The following SH3BP5 variants were observed in gnomAD, a reference collection of about 807,000 sequenced individuals.
SH3BP5 encodes SH3 domain-binding protein 5.
In SH3BP5, 22 loss-of-function variants were observed where a neutral mutation model predicts 43.3. The ratio of observed to expected loss-of-function variants is 0.51; its 90% CI spans 0.36 to 0.73. The LOEUF (loss-of-function observed/expected upper bound fraction) is 0.73. Ranked by LOEUF, SH3BP5 falls within the 30% of genes least tolerant of loss-of-function variation. The probability of loss-of-function intolerance (pLI) is 0.00; values close to 1 mark genes in which losing one functional copy is unlikely to be tolerated. For missense variants in SH3BP5, 529 were observed against 586.9 expected, an observed-to-expected ratio of 0.90 and a Z score of 1.02; for synonymous variants, 255 against 225.8, an observed-to-expected ratio of 1.13 and a Z score of -1.16.
chr3:15,303,709 AAAG>A (rs929608564), intron 3 of SH3BP5, among the ~76,000 whole-genome samples: 5 of 152,300 alleles, frequency 3.3e-5, no homozygotes, highest in East Asian at 1.9e-4. Flanking sequence ...AAAAAAAGAA[AAAG>A]AAGAAGAACC....
At chr3:15,268,171 A>G (rs1298289980) in intron 4 of SH3BP5, among the ~76,000 whole-genome samples, 1 of 152,238 alleles carries the variant, frequency 6.6e-6, no homozygotes, top group East Asian at 1.9e-4. Flanking sequence ...CGAGAGTCTC[A>G]GGCTGCAGGG....
At chr3:15,338,860 C>T (rs1161465010) in intron 1 of SH3BP5, among the ~76,000 whole-genome samples, 6 of 152,124 alleles carry the variant, frequency 3.9e-5, no homozygotes, top group African/African-American at 1.4e-4. Flanking sequence ...CTCAAATTAA[C>T]CTCAGAACCC....
rs112791422 is a variant in SH3BP5, at chr3:15,299,662, T to A, written c.330+4441A>T. Among the ~76,000 whole-genome samples, 203 of 152,030 alleles carry A rather than the reference T, an allele frequency of 1.3e-3. 1 individual carries two copies. The highest frequency in any genetic ancestry group is 4.6e-3 in the African/African-American group (191 of 41,442). ...CACATATCACTACATCCAGCTAATT[T>A]TAAATTTTTTTTATTTCATATAGAG... On this transcript the variant is annotated intron_variant, in intron 3 of 8. Transcript: ENST00000383791.
chr3:15,333,081 G>A, upstream of SH3BP5: 1 of 985,362 alleles, frequency 1.0e-6, no homozygotes, highest in South Asian at 4.7e-5. Flanking sequence ...AGGTGCGGCG[G>A]TCCTACCTGA....
intron 2 of SH3BP5, among the ~76,000 whole-genome samples, chr3:15,307,589 G>A (rs1285814124): frequency 6.6e-6 from 1 of 152,232 alleles, no homozygotes; most frequent in Non-Finnish European, 1.5e-5. Flanking sequence ...TGGGCACACA[G>A]TCAGTGCTCA....
rs1553620949 is a variant in SH3BP5 at position 15,330,552 on chromosome 3, C to T, written c.153G>A (p.Lys51=). Residue 51 remains lysine, a synonymous_variant, in exon 2 of 9, where the codon AAG becomes AAA. Coordinates refer to ENST00000383791, the MANE Select transcript of SH3BP5 (RefSeq NM_004844.5). ...VDPRIQGELE[K]LNQSTDDINR... ...TGATATCATCCGTGGACTGATTTAACTTCTCCAGTTCTCCCTGGTGAAGAA... is the reference window on the plus strand; with the variant it reads ...TGATATCATCCGTGGACTGATTTAATTTCTCCAGTTCTCCCTGGTGAAGAA... The T allele has an allele frequency of 1.9e-6, 3 of 1,607,386 alleles. No individual in the cohort carries two copies. In the South Asian group the frequency reaches 3.4e-5, roughly 18 times the overall value.
intron 2 of SH3BP5, among the ~76,000 whole-genome samples, chr3:15,313,679 T>C (rs936288420): frequency 1.1e-4 from 17 of 152,238 alleles, no homozygotes; most frequent in Non-Finnish European, 1.9e-4. Flanking sequence ...TGCTCTCCAG[T>C]GCTGGCTGAC....
intron 2 of SH3BP5, among the ~76,000 whole-genome samples, chr3:15,311,161 A>C (rs968243251): frequency 2.0e-5 from 3 of 152,252 alleles, no homozygotes; most frequent in African/African-American, 7.2e-5. Context: ...AATGCCATTT[A>C]CAAGTATACC....
At chr3:15,281,287 G>A (rs1012120750) in intron 3 of SH3BP5, among the ~76,000 whole-genome samples, 14 of 152,110 alleles carry the variant, frequency 9.2e-5, no homozygotes, top group African/African-American at 2.2e-4. Context: ...TTTTGATGCC[G>A]TGCACAAAAC....
At chr3:15,339,731 T>C (rs1210878579) in intron 1 of SH3BP5, 1 of 150,644 alleles carries the variant, frequency 6.6e-6, no homozygotes, top group African/African-American at 2.4e-5. Flanking sequence ...AATAAATAAA[T>C]AATAAAAAGA....
intron 3 of SH3BP5, among the ~76,000 whole-genome samples, chr3:15,285,776 A>C (rs1016907079): frequency 6.6e-6 from 1 of 152,092 alleles, no homozygotes; most frequent in African/African-American, 2.4e-5. Context: ...CACCTCCTCC[A>C]CGTTTCAGAC....
chr3:15,270,223 G>A (rs1033315264), intron 3 of SH3BP5, among the ~76,000 whole-genome samples: 1 of 152,204 alleles, frequency 6.6e-6, no homozygotes, highest in Admixed American at 6.5e-5. Context: ...CTCGAGGCCT[G>A]TCACCTTCCC....
In SH3BP5 at chr3:15,330,527, T is replaced by C. The variant is rs1307232918; in HGVS notation, c.178A>G (p.Asn60Asp). The C allele has an allele frequency of 6.2e-7, 1 of 1,613,596 alleles. No individual in the cohort carries two copies. The change falls in exon 2 of 9, where the codon AAC (asparagine) becomes GAC (aspartate). Residue 60 changes from asparagine to aspartate, a missense_variant. Physicochemically the swap from Asn to Asp is conservative, Grantham distance 23. This residue lies in a region of SH3BP5 where 85 missense variants were observed against 140.8 expected (regional missense o/e 0.60). Coordinates refer to ENST00000383791, the MANE Select transcript of SH3BP5 (RefSeq NM_004844.5). ...EKLNQSTDDI[N>D]RRETELEDAR... ...ACCTCAAGTTCAGTCTCCCGTCTGT[T>C]GATATCATCCGTGGACTGATTTAAC...
intron 3 of SH3BP5, among the ~76,000 whole-genome samples, chr3:15,285,302 G>C (rs1483480674): frequency 6.6e-6 from 1 of 152,126 alleles, no homozygotes; most frequent in Non-Finnish European, 1.5e-5. Flanking sequence ...GCCACTTAGG[G>C]TGATGTAAAA....
chr3:15,259,143 ATTCT>A, intron 6 of SH3BP5, 93 bp from the exon 7 acceptor site: 1 of 1,002,252 alleles, frequency 1.0e-6, no homozygotes, highest in Admixed American at 2.1e-5. Flanking sequence ...TCTGCCCATC[ATTCT>A]ACTTCAAGGA....
chr3:15,271,137 G>A (rs546495972), intron 3 of SH3BP5, among the ~76,000 whole-genome samples: 12 of 151,618 alleles, frequency 7.9e-5, no homozygotes, highest in African/African-American at 2.7e-4. Flanking sequence ...CAGCACTTTG[G>A]GGGGCCAAGG....
At chr3:15,309,914 C>CT (rs1387605956) in intron 2 of SH3BP5, among the ~76,000 whole-genome samples, 1 of 151,416 alleles carries the variant, frequency 6.6e-6, no homozygotes, top group Non-Finnish European at 1.5e-5. Flanking sequence ...CCACCCCCCC[C>CT]CCATAAGAAA....
upstream of SH3BP5, among the ~76,000 whole-genome samples, chr3:15,337,149 G>A (rs547686238): frequency 1.4e-4 from 21 of 148,586 alleles, no homozygotes; most frequent in African/African-American, 4.2e-4. Flanking sequence ...GAGTGCGGTG[G>A]TGTTAGCTCA....
chr3:15,283,354 A>G (rs1037941737), intron 3 of SH3BP5, among the ~76,000 whole-genome samples: 56 of 152,338 alleles, frequency 3.7e-4, no homozygotes, highest in African/African-American at 1.3e-3. Context: ...CCGAGATTGC[A>G]CCACTGCACT....
Sources: gnomAD v4.1 joint callset for allele counts (sites outside exome capture counted in the v4.1 genomes callset) on GRCh38, gnomAD v4.1.1 for gene constraint, gnomAD v4.1.1 regional missense constraint, MANE v1.5 for transcripts, NCBI Gene and HGNC (gene_info 2026-07-23, HGNC 2026-07-21) for gene names.